Variants in CCDC85C observed in about 807,000 individuals in gnomAD.
CCDC85C encodes coiled-coil domain containing 85C.
Under a neutral mutation model 38.3 loss-of-function variants are expected in CCDC85C, and 18 were observed. The observed-to-expected ratio is 0.47, with a 90% confidence interval of 0.33 to 0.70. The LOEUF (loss-of-function observed/expected upper bound fraction) is 0.70. Ranked by LOEUF, CCDC85C falls within the 30% of genes least tolerant of loss-of-function variation. The pLI, the probability that CCDC85C is intolerant of heterozygous loss-of-function variation, is 0.03. For synonymous variants in CCDC85C, 264 were observed against 293.8 expected, an observed-to-expected ratio of 0.90 and a Z score of 1.04; for missense variants, 566 against 621.2, an observed-to-expected ratio of 0.91 and a Z score of 0.94.
rs1489752414 is a variant in CCDC85C, at chr14:99,510,302, G to GCCCCCA, written c.*4938_*4943dup. 2.8e-5 allele frequency: 12 copies of GCCCCCA among 435,436 alleles called. No homozygotes were observed. Among genetic ancestry groups the GCCCCCA allele is most frequent in the African/African-American group, 2.6e-4 (4 of 15,524 alleles). 27.0% of individuals were successfully genotyped at this position (435,436 alleles called of 1,614,324 possible). ...CACCGCCGCTGCCACACCGGCCCCC[G>GCCCCCA]CCCCCACCCCCCTCCAGCTACATGA... On this transcript the variant is annotated 3_prime_UTR_variant, in exon 6 of 6. Transcript: ENST00000380243.
Position 99,603,714 on chromosome 14 carries a change from C to G in CCDC85C, c.246G>C (p.Gln82His). ...GGAAGCAGCAGAGCTCGCGCAGCTC[C>G]TGGTTGTCGTCCTGCAGCCGCTGGT... Reference protein sequence around the residue: ...DVNQRLQDDNQELRELCCFLD... With the variant: ...DVNQRLQDDNHELRELCCFLD... Residue 82 changes from glutamine (Q) to histidine (H), a missense_variant, in exon 1 of 6, where the codon CAG becomes CAC. By Grantham distance (24) the Gln-to-His change is conservative. Transcript: ENST00000380243. This position sits in a 1 kb window ranked among gnomAD's most constrained non-coding sequence, Gnocchi z 7.5. 1 of 1,517,876 alleles carries G rather than the reference C, an allele frequency of 6.6e-7. No homozygotes were observed. Among genetic ancestry groups the G allele is most frequent in the Non-Finnish European group, 8.8e-7 (1 of 1,138,270 alleles). The allele number at this position is 1,517,876 out of a possible 1,614,324, so 94.0% of individuals were successfully genotyped here.
intron 1 of CCDC85C, among the ~76,000 whole-genome samples, chr14:99,567,655 T>C (rs1157516046): frequency 1.3e-5 from 2 of 152,058 alleles, no homozygotes; most frequent in Admixed American, 1.3e-4. Flanking sequence ...TGAAACCCCG[T>C]TTCCACTAAA....
rs1896836079 is a variant in CCDC85C at position 99,501,744 on chromosome 14, T to A, written c.*13502A>T. 1 of 296,706 alleles carries A rather than the reference T, an allele frequency of 3.4e-6. No homozygotes were observed. The highest frequency in any genetic ancestry group is 2.2e-5 in the African/African-American group (1 of 45,228). The allele number at this position is 296,706 out of a possible 1,614,324, so 18.4% of individuals were successfully genotyped here. A position where few individuals can be genotyped will look rare whatever the true frequency, so the allele number is the denominator to read the frequency against. ...CAAAAATATACTTCCTGGTATAGTT[T>A]TAGAGCCTTAACACTCTTTTGAGAG... is the stretch of plus-strand genomic sequence containing the variant. On this transcript the variant is annotated 3_prime_UTR_variant, in exon 6 of 6. Coordinates refer to ENST00000380243, the MANE Select transcript of CCDC85C (RefSeq NM_001144995.2).
In CCDC85C at chr14:99,509,249, G is replaced by A. The variant is rs1178428723; in HGVS notation, c.*5997C>T. ...TGTTGCTCCTGTGGTCTGTCTCCTGGGCTGCCTTGGGAAAGGACACTCATT... is the reference window on the plus strand; with the variant it reads ...TGTTGCTCCTGTGGTCTGTCTCCTGAGCTGCCTTGGGAAAGGACACTCATT... On this transcript the variant is annotated 3_prime_UTR_variant, in exon 6 of 6. Transcript: ENST00000380243. The A allele has an allele frequency of 6.6e-6, 1 of 152,282 alleles. No homozygotes were observed. Among genetic ancestry groups the A allele is most frequent in the African/African-American group, 2.4e-5 (1 of 41,446 alleles). 9.4% of individuals were successfully genotyped at this position (152,282 alleles called of 1,614,324 possible).
intron 1 of CCDC85C, among the ~76,000 whole-genome samples, chr14:99,539,198 C>T (rs1237090199): frequency 6.6e-6 from 1 of 152,174 alleles, no homozygotes; most frequent in Non-Finnish European, 1.5e-5. Flanking sequence ...AGGCTGGGCA[C>T]GGTGGCACAT....
Position 99,603,735 on chromosome 14 carries a change from C to T in CCDC85C, c.225G>A (p.Gln75=), listed in dbSNP as rs1201374111. Residue 75 remains glutamine (Q), a synonymous_variant, in exon 1 of 6, where the codon CAG becomes CAA. Transcript: ENST00000380243. The surrounding 1 kb of genome is among the most constrained non-coding windows in gnomAD (Gnocchi z 7.5). ...GCTCCTGGTTGTCGTCCTGCAGCCGCTGGTTCACGTCCTTGAGGCCGCGGA... is the reference window on the plus strand; with the variant it reads ...GCTCCTGGTTGTCGTCCTGCAGCCGTTGGTTCACGTCCTTGAGGCCGCGGA... ...LEIRGLKDVN[Q]RLQDDNQELR... is the part of the protein sequence containing the mutation. 3 of 1,521,076 alleles carry T rather than the reference C, an allele frequency of 2.0e-6. No individual in the cohort carries two copies. In the South Asian group the frequency reaches 3.7e-5, roughly 19 times the overall value. 94.2% of individuals were successfully genotyped at this position (1,521,076 alleles called of 1,614,324 possible).
chr14:99,529,753 G>A (rs140622792), intron 2 of CCDC85C, among the ~76,000 whole-genome samples: 25 of 152,348 alleles, frequency 1.6e-4, no homozygotes, highest in South Asian at 1.2e-3. Context: ...GAGTAAGCCA[G>A]AGCAGCTCCT....
At chr14:99,578,704 C>T (rs1200144986) in intron 1 of CCDC85C, among the ~76,000 whole-genome samples, 1 of 152,202 alleles carries the variant, frequency 6.6e-6, no homozygotes, top group Non-Finnish European at 1.5e-5. Flanking sequence ...GCTGCTGGGC[C>T]GTTGGCGTGA....
At chr14:99,530,540 G>A (rs569115126) in intron 2 of CCDC85C, among the ~76,000 whole-genome samples, 1 of 152,312 alleles carries the variant, frequency 6.6e-6, no homozygotes, top group East Asian at 1.9e-4. Flanking sequence ...TGAAGCGTTG[G>A]CCATGGATTC....
intron 1 of CCDC85C, among the ~76,000 whole-genome samples, chr14:99,537,334 C>T (rs1897623335): frequency 6.6e-6 from 1 of 152,160 alleles, no homozygotes; most frequent in Non-Finnish European, 1.5e-5. Flanking sequence ...GGATGGACTC[C>T]ACAGGCTGTT....
In CCDC85C at chr14:99,539,532, T is replaced by C. The variant is rs142392746; in HGVS notation, c.794-3444A>G. ...AGAAAGCAGACAGAGTGGCCAAAAC[T>C]GGAAATAACTATTTGTCCAACAACA... On this transcript the variant is annotated intron_variant, in intron 1 of 5. Transcript: ENST00000380243. Among the ~76,000 whole-genome samples, 106 of 150,694 alleles carry C rather than the reference T, an allele frequency of 7.0e-4. 1 individual carries two copies. In the East Asian group the frequency reaches 0.02, roughly 29 times the overall value.
Position 99,512,610 on chromosome 14 carries a change from G to A in CCDC85C, c.*2636C>T, listed in dbSNP as rs1189559224. ...GGATGGGCTTGGCCACCTGGGCTGG[G>A]GCGAAAGGAGACCTCCATCTGTCAC... On this transcript the variant is annotated 3_prime_UTR_variant, in exon 6 of 6. Coordinates refer to ENST00000380243, the MANE Select transcript of CCDC85C (RefSeq NM_001144995.2). The A allele has an allele frequency of 6.6e-6, 1 of 152,202 alleles. No homozygotes were observed. Among genetic ancestry groups the A allele is most frequent in the Non-Finnish European group, 1.5e-5 (1 of 68,026 alleles). 9.4% of individuals were successfully genotyped at this position (152,202 alleles called of 1,614,324 possible).
Position 99,520,558 on chromosome 14 carries a change from C to T in CCDC85C, c.975+1575G>A, listed in dbSNP as rs28498325. Among the ~76,000 whole-genome samples the T allele has an allele frequency of 2.7e-5, 2 of 72,736 alleles. No homozygotes were observed. Among genetic ancestry groups the T allele is most frequent in the African/African-American group, 3.9e-5 (1 of 25,800 alleles). 47.7% of individuals were successfully genotyped at this position (72,736 alleles called of 152,430 possible). ...TGGGGGCCTGCCCGCCGACCAGCCCCGATCACGGCCCCTGCACCTCAGTTC... is the reference window on the plus strand; with the variant it reads ...TGGGGGCCTGCCCGCCGACCAGCCCTGATCACGGCCCCTGCACCTCAGTTC... On this transcript the variant is annotated intron_variant, in intron 3 of 5. Coordinates refer to ENST00000380243, the MANE Select transcript of CCDC85C (RefSeq NM_001144995.2). This position sits in a 1 kb window ranked among gnomAD's most constrained non-coding sequence, Gnocchi z 4.1.
chr14:99,567,341 G>T lies in CCDC85C; in HGVS notation c.794-31253C>A, dbSNP rs61234472. Among the ~76,000 whole-genome samples the T allele has an allele frequency of 7.8e-3, 1,188 of 152,310 alleles. 12 individuals carry two copies. Among genetic ancestry groups the T allele is most frequent in the African/African-American group, 0.026 (1,076 of 41,558 alleles). On this transcript the variant is annotated intron_variant, in intron 1 of 5. Transcript: ENST00000380243. ...TGGGACTTCTGGTCGCCCCAGGGGGGTCACAGGAGGGACAGAAGTTTTTCG... is the reference window on the plus strand; with the variant it reads ...TGGGACTTCTGGTCGCCCCAGGGGGTTCACAGGAGGGACAGAAGTTTTTCG...
intron 1 of CCDC85C, among the ~76,000 whole-genome samples, chr14:99,546,676 C>T (rs144976042): frequency 2.5e-4 from 38 of 152,192 alleles, no homozygotes; most frequent in African/African-American, 7.9e-4. Flanking sequence ...AACATAGCCA[C>T]GTGGAGAGGC....
Position 99,505,048 on chromosome 14 carries a change from T to A in CCDC85C, c.*10198A>T, listed in dbSNP as rs1365487625. Reference sequence around the variant, plus strand: ...TGAAAGGCAATAGCTTCTGATAGGATCTAAAATGTGGGTTAGGACCAGATC... The same window carrying A: ...TGAAAGGCAATAGCTTCTGATAGGAACTAAAATGTGGGTTAGGACCAGATC... On this transcript the variant is annotated 3_prime_UTR_variant, in exon 6 of 6. Coordinates refer to ENST00000380243, the MANE Select transcript of CCDC85C (RefSeq NM_001144995.2). The A allele has an allele frequency of 6.6e-6, 1 of 152,210 alleles. No individual in the cohort carries two copies. The highest frequency in any genetic ancestry group is 1.5e-5 in the Non-Finnish European group (1 of 68,060). The allele number at this position is 152,210 out of a possible 1,614,324, so 9.4% of individuals were successfully genotyped here.
chr14:99,571,884 C>T (rs1898353072), intron 1 of CCDC85C, among the ~76,000 whole-genome samples: 1 of 152,216 alleles, frequency 6.6e-6, no homozygotes, highest in Non-Finnish European at 1.5e-5. Flanking sequence ...TCTGGCACCT[C>T]TTGGCACATG....
Position 99,503,761 on chromosome 14 carries a change from C to A in CCDC85C, c.*11485G>T. The A allele has an allele frequency of 1.2e-6, 1 of 864,056 alleles. No individual in the cohort carries two copies. Among genetic ancestry groups the A allele is most frequent in the Non-Finnish European group, 1.8e-6 (1 of 556,082 alleles). The allele number at this position is 864,056 out of a possible 1,614,324, so 53.5% of individuals were successfully genotyped here. On this transcript the variant is annotated 3_prime_UTR_variant, in exon 6 of 6. Coordinates refer to ENST00000380243, the MANE Select transcript of CCDC85C (RefSeq NM_001144995.2). ...TTGGCCTTAAATCTTAACTTTAGAGCTCATACAAAACTTTTCCATCAGCAT... is the reference window on the plus strand; with the variant it reads ...TTGGCCTTAAATCTTAACTTTAGAGATCATACAAAACTTTTCCATCAGCAT...
In CCDC85C at chr14:99,501,130, C is replaced by T; in HGVS notation, c.*14116G>A. 1 of 602,514 alleles carries T rather than the reference C, an allele frequency of 1.7e-6. No individual in the cohort carries two copies. The highest frequency in any genetic ancestry group is 1.9e-5 in the African/African-American group (1 of 53,792). The allele number at this position is 602,514 out of a possible 1,614,324, so 37.3% of individuals were successfully genotyped here. A position where few individuals can be genotyped will look rare whatever the true frequency, so the allele number is the denominator to read the frequency against. On this transcript the variant is annotated 3_prime_UTR_variant, in exon 6 of 6. Coordinates refer to ENST00000380243, the MANE Select transcript of CCDC85C (RefSeq NM_001144995.2). ...AGAATTTTTTAAATGGACTAATAAA[C>T]TTAGCCTTGGAGCCAGGTTTTCCAT...
Sources: gnomAD v4.1 joint callset for allele counts (sites outside exome capture counted in the v4.1 genomes callset) on GRCh38, gnomAD v4.1.1 for gene constraint, Gnocchi (gnomAD v3.1) non-coding constraint, MANE v1.5 for transcripts, NCBI Gene and HGNC (gene_info 2026-07-23, HGNC 2026-07-21) for gene names.